Variants in ENTREP2 observed in about 807,000 individuals in gnomAD.
ENTREP2 encodes the protein endosomal transmembrane epsin interactor 2, also known as protein ENTREP2.
the ENTREP2 span, among the ~76,000 whole-genome samples, chr15:29,315,198 T>TA: frequency 1.3e-5 from 2 of 152,028 alleles, no homozygotes; most frequent in Admixed American, 6.6e-5. Flanking sequence ...CCATATTGAT[T>TA]AAAAAAAATC....
At chr15:29,123,290 A>G in the ENTREP2 span, 550 of 1,458,650 alleles carry the variant, frequency 3.8e-4, no homozygotes, top group Non-Finnish European at 4.3e-4. Flanking sequence ...TCTGCCAAGA[A>G]CATCTGTGGC....
the ENTREP2 span, among the ~76,000 whole-genome samples, chr15:29,543,354 G>T: frequency 6.6e-6 from 1 of 152,082 alleles, no homozygotes; most frequent in Non-Finnish European, 1.5e-5. Flanking sequence ...AACATAATTT[G>T]GTCTCAGGTA....
the ENTREP2 span, among the ~76,000 whole-genome samples, chr15:29,209,022 G>A: frequency 6.6e-6 from 1 of 152,192 alleles, no homozygotes; most frequent in Non-Finnish European, 1.5e-5. Context: ...CATGAGGAGT[G>A]TGGTATGAGT....
chr15:29,605,074 T>C, the ENTREP2 span, among the ~76,000 whole-genome samples: 7 of 152,240 alleles, frequency 4.6e-5, no homozygotes, highest in African/African-American at 1.7e-4. Context: ...TTGCAGTTTA[T>C]GTGAAGCTCA....
the ENTREP2 span, among the ~76,000 whole-genome samples, chr15:29,391,303 C>T: frequency 6.6e-6 from 1 of 151,960 alleles, no homozygotes; most frequent in Non-Finnish European, 1.5e-5. Flanking sequence ...TCCAAACATC[C>T]TCCACACCAT....
At chr15:29,670,634 G>A in the ENTREP2 span, among the ~76,000 whole-genome samples, 1 of 152,240 alleles carries the variant, frequency 6.6e-6, no homozygotes, top group South Asian at 2.1e-4. Flanking sequence ...TATGCCACCC[G>A]GGAACTCTCT....
chr15:29,529,742 G>A, the ENTREP2 span, among the ~76,000 whole-genome samples: 2 of 152,138 alleles, frequency 1.3e-5, no homozygotes, highest in African/African-American at 4.8e-5. Context: ...TAGAGTGGCT[G>A]ATTGACTTGA....
At chr15:29,372,462 G>A in the ENTREP2 span, among the ~76,000 whole-genome samples, 1 of 152,180 alleles carries the variant, frequency 6.6e-6, no homozygotes, top group Non-Finnish European at 1.5e-5. Context: ...CTTACTTGTA[G>A]TTAAGTTTTT....
At chr15:29,174,565 T>C in the ENTREP2 span, among the ~76,000 whole-genome samples, 1 of 152,128 alleles carries the variant, frequency 6.6e-6, no homozygotes, top group Non-Finnish European at 1.5e-5. Context: ...GGCGGGCGCC[T>C]GTATTCCCAG....
At chr15:29,331,828 C>A in the ENTREP2 span, among the ~76,000 whole-genome samples, 1 of 152,174 alleles carries the variant, frequency 6.6e-6, no homozygotes, top group Non-Finnish European at 1.5e-5. Flanking sequence ...GAAAGGCAGG[C>A]ACCCGACAGA....
chr15:29,443,065 T>C, the ENTREP2 span, among the ~76,000 whole-genome samples: 5 of 152,194 alleles, frequency 3.3e-5, no homozygotes, highest in Non-Finnish European at 5.9e-5. Context: ...CATGCTGAGA[T>C]ACAGTGCAGA....
At chr15:29,343,348 C>A in the ENTREP2 span, among the ~76,000 whole-genome samples, 1 of 152,102 alleles carries the variant, frequency 6.6e-6, no homozygotes, top group Non-Finnish European at 1.5e-5. Context: ...CTCATCCAAT[C>A]AGTCAAAGGC....
chr15:29,308,693 T>C, the ENTREP2 span, among the ~76,000 whole-genome samples: 1 of 152,214 alleles, frequency 6.6e-6, no homozygotes, highest in African/African-American at 2.4e-5. Flanking sequence ...ACAGGAATTA[T>C]TTTTAGAATG....
the ENTREP2 span, among the ~76,000 whole-genome samples, chr15:29,241,496 A>G: frequency 6.6e-6 from 1 of 152,116 alleles, no homozygotes; most frequent in African/African-American, 2.4e-5. Context: ...CAGAGAGAGG[A>G]GGGAGACTTT....
the ENTREP2 span, among the ~76,000 whole-genome samples, chr15:29,529,132 G>C: frequency 2.7e-5 from 2 of 73,678 alleles, no homozygotes; most frequent in South Asian, 9.7e-4. Flanking sequence ...AAAGCCTCTT[G>C]CATGTCCGGT....
At chr15:29,510,269 G>A in the ENTREP2 span, among the ~76,000 whole-genome samples, 1 of 152,192 alleles carries the variant, frequency 6.6e-6, no homozygotes. Flanking sequence ...GAGAGGATGT[G>A]GAGCAACAGG....
the ENTREP2 span, among the ~76,000 whole-genome samples, chr15:29,417,164 TA>T: frequency 6.6e-6 from 1 of 152,220 alleles, no homozygotes; most frequent in Non-Finnish European, 1.5e-5. Flanking sequence ...CAAAGGATTA[TA>T]AATCATGCTG....
At chr15:29,597,280 T>A in the ENTREP2 span, among the ~76,000 whole-genome samples, 3 of 152,212 alleles carry the variant, frequency 2.0e-5, no homozygotes, top group Non-Finnish European at 4.4e-5. Context: ...GATTCATCCA[T>A]AACTAGAGTC....
chr15:29,571,183 C>T, the ENTREP2 span, among the ~76,000 whole-genome samples: 3 of 151,832 alleles, frequency 2.0e-5, no homozygotes, highest in South Asian at 6.2e-4. Context: ...GGCGTCCCAG[C>T]CTCCGCGCTC....
Sources: allele counts gnomAD v4.1 joint callset (sites outside exome capture counted in the v4.1 genomes callset), GRCh38; gene constraint gnomAD v4.1.1; transcripts MANE v1.5; gene names NCBI Gene and HGNC (gene_info 2026-07-23, HGNC 2026-07-21).